CHD1: variants seen among roughly 807,000 people sequenced by gnomAD.
CHD1 encodes ATP-dependent chromatin remodeler CHD1.
Under a neutral mutation model 224.2 loss-of-function variants are expected in CHD1, and 36 were observed. The observed-to-expected ratio is 0.16, with a 90% CI of 0.12 to 0.21. CHD1 has a LOEUF of 0.21. Ranked by LOEUF, CHD1 falls within the 10% of genes least tolerant of loss-of-function variation. The probability of loss-of-function intolerance (pLI) is 1.00; values close to 1 mark genes in which losing one functional copy is unlikely to be tolerated. For missense variants in CHD1, 1,378 were observed against 1,994.8 expected (o/e 0.69, Z 5.89); for synonymous variants, 668 against 658.3 (o/e 1.01, Z -0.23).
chr5:98,897,471 C>A (rs1390643162), intron 10 of CHD1, 151 bp from the exon 11 acceptor site: 7 of 583,436 alleles, frequency 1.2e-5, no homozygotes, highest in Non-Finnish European at 2.0e-5. Flanking sequence ...CCTGAGGATT[C>A]AGTCAATACT....
chr5:98,856,841 T>C (rs692759), intron 35 of CHD1, 116 bp from the exon 36 acceptor site: 408,148 of 706,196 alleles, frequency 0.58, 124,038 homozygotes, highest in African/African-American at 0.92. Context: ...TGTATAGAAA[T>C]TCAGTGTTGC....
intron 2 of CHD1, among the ~76,000 whole-genome samples, chr5:98,912,841 A>G (rs1243812069): frequency 6.6e-6 from 1 of 152,218 alleles, no homozygotes; most frequent in Non-Finnish European, 1.5e-5. Flanking sequence ...TTTCAATTAT[A>G]TAACATATAC....
At chr5:98,926,659 C>T in intron 1 of CHD1, 125 bp from the exon 2 acceptor site, 2 of 225,974 alleles carry the variant, frequency 8.9e-6, no homozygotes, top group Admixed American at 5.7e-5. Context: ...GAAGTGGGGG[C>T]CTTTTATTAA....
intron 22 of CHD1, among the ~76,000 whole-genome samples, chr5:98,880,153 T>C (rs1472420472): frequency 6.6e-6 from 1 of 152,230 alleles, no homozygotes; most frequent in Non-Finnish European, 1.5e-5. Flanking sequence ...CATAGAGCTC[T>C]TTGAGAGCAC....
intron 2 of CHD1, among the ~76,000 whole-genome samples, chr5:98,907,316 C>T (rs898821615): frequency 4.5e-4 from 68 of 152,148 alleles, no homozygotes; most frequent in African/African-American, 1.6e-3. Flanking sequence ...GAGCTGGGAG[C>T]GGTGGCTCAT....
At position 98,896,462 on chromosome 5, in the gene CHD1, T is replaced by G; in HGVS notation, c.1494-20A>C. On this transcript the variant is annotated intron_variant, in intron 11 of 35. Transcript: ENST00000614616. ...TTTCCTCTACAAAGTTAAAAAAAAATTAGCATGCAAGGAAATATTCAAATA... is the reference window on the plus strand; with the variant it reads ...TTTCCTCTACAAAGTTAAAAAAAAAGTAGCATGCAAGGAAATATTCAAATA... 1 of 1,524,626 alleles carries G rather than the reference T, an allele frequency of 6.6e-7. No individual in the cohort carries two copies. Among genetic ancestry groups the G allele is most frequent in the Non-Finnish European group, 9.0e-7 (1 of 1,105,884 alleles). The allele number at this position is 1,524,626 out of a possible 1,614,324, so 94.4% of individuals were successfully genotyped here.
Position 98,859,963 on chromosome 5 carries a change from C to G in CHD1, c.4524+9G>C, listed in dbSNP as rs768020337. 2.7e-5 allele frequency: 37 copies of G among 1,393,924 alleles called. 1 individual carries two copies. In the Middle Eastern group the frequency reaches 1.3e-3, roughly 49 times the overall value. The allele number at this position is 1,393,924 out of a possible 1,614,324, so 86.3% of individuals were successfully genotyped here. A position where few individuals can be genotyped will look rare whatever the true frequency, so the allele number is the denominator to read the frequency against. On this transcript the variant is annotated intron_variant, in intron 33 of 35. Coordinates refer to ENST00000614616, the MANE Select transcript of CHD1 (RefSeq NM_001270.4). The stretch of plus-strand genomic sequence containing the variant: ...TAAATTCAGGGAAAAAATATGATGT[C>G]AAGTTTACCTGAGACTCCTGCCGTT...
intron 4 of CHD1, 22 bp downstream of exon 4, chr5:98,903,770 A>G (rs1159838253): frequency 6.7e-7 from 1 of 1,500,408 alleles, no homozygotes; most frequent in African/African-American, 1.4e-5. Flanking sequence ...TTTTAAAATA[A>G]TAGCTCATGA....
At chr5:98,923,217 G>T (rs1207037123) in intron 2 of CHD1, among the ~76,000 whole-genome samples, 2 of 151,468 alleles carry the variant, frequency 1.3e-5, no homozygotes, top group Non-Finnish European at 2.9e-5. Context: ...AGAAAATGAA[G>T]GCAAAAAAGA....
chr5:98,877,655 A>G lies in CHD1; in HGVS notation c.3238-1097T>C, dbSNP rs114338244. ...TAATATGCTGAAAGTTAAATGAAGTAAAAAATGGTATTTAGACCTTTTTTT... is the reference window on the plus strand; with the variant it reads ...TAATATGCTGAAAGTTAAATGAAGTGAAAAATGGTATTTAGACCTTTTTTT... On this transcript the variant is annotated intron_variant, in intron 23 of 35. Coordinates refer to ENST00000614616, the MANE Select transcript of CHD1 (RefSeq NM_001270.4). Among the ~76,000 whole-genome samples, 1,523 of 152,310 alleles carry G rather than the reference A, an allele frequency of 1.0e-2. 27 individuals are homozygous for G. The highest frequency in any genetic ancestry group is 0.035 in the African/African-American group (1,470 of 41,562).
intron 32 of CHD1, 41 bp downstream of exon 32, chr5:98,863,367 A>G: frequency 8.4e-7 from 1 of 1,186,286 alleles, no homozygotes. Flanking sequence ...AGACAGTTAT[A>G]TAATATAAAT....
chr5:98,876,635 T>C lies in CHD1; in HGVS notation c.3238-77A>G, dbSNP rs929223354. ...TAAGAGCAAAAACCATTATAAAAGA[T>C]GGTCGGAATCTTAAAAATGTTATTA... On this transcript the variant is annotated intron_variant, in intron 23 of 35. Coordinates refer to ENST00000614616, the MANE Select transcript of CHD1 (RefSeq NM_001270.4). 38 of 1,251,870 alleles carry C rather than the reference T, an allele frequency of 3.0e-5. No individual in the cohort carries two copies. In the East Asian group the frequency reaches 8.2e-4, roughly 27 times the overall value. The allele number at this position is 1,251,870 out of a possible 1,614,324, so 77.5% of individuals were successfully genotyped here.
In CHD1 at chr5:98,858,223, C is replaced by T; in HGVS notation, c.4744G>A (p.Gly1582Ser). The stretch of plus-strand genomic sequence containing the variant: ...TGATCCCAATCACGATGGTCTTTAC[C>T]ATTACTAAAAGAAGAATAGGGTCTT... ...RKRPYSSFSN[G>S]KDHRDWDHYK... Residue 1582 changes from glycine (G) to serine (S), a missense_variant, in exon 35 of 36, where the codon GGT becomes AGT. Physicochemically the swap from Gly to Ser is moderately conservative, Grantham distance 56. This residue lies in a region of CHD1 where 278 missense variants were observed against 298.5 expected (regional missense o/e 0.93). Transcript: ENST00000614616. 1 of 1,613,090 alleles carries T rather than the reference C, an allele frequency of 6.2e-7. No individual in the cohort carries two copies.
intron 2 of CHD1, among the ~76,000 whole-genome samples, chr5:98,924,974 T>C (rs1753359128): frequency 6.7e-6 from 1 of 150,064 alleles, no homozygotes; most frequent in African/African-American, 2.5e-5. Context: ...CAAGACTCTG[T>C]CTCAAAAAAA....
rs1747905783 is a variant in CHD1, at chr5:98,854,869, C to G, written c.*1511G>C. 1 of 152,032 alleles carries G rather than the reference C, an allele frequency of 6.6e-6. No homozygotes were observed. The highest frequency in any genetic ancestry group is 2.4e-5 in the African/African-American group (1 of 41,400). 9.4% of individuals were successfully genotyped at this position (152,032 alleles called of 1,614,324 possible). A position where few individuals can be genotyped will look rare whatever the true frequency, so the allele number is the denominator to read the frequency against. On this transcript the variant is annotated 3_prime_UTR_variant, in exon 36 of 36. Coordinates refer to ENST00000614616, the MANE Select transcript of CHD1 (RefSeq NM_001270.4). The stretch of plus-strand genomic sequence containing the variant: ...AATTTGTTACATCAAAGCATACATG[C>G]AAGAATGTGTGCCACATGACTTAAA...
At chr5:98,881,796 T>C (rs1344602862) in intron 20 of CHD1, among the ~76,000 whole-genome samples, 179 bp downstream of exon 20, 2 of 152,182 alleles carry the variant, frequency 1.3e-5, no homozygotes, top group Non-Finnish European at 2.9e-5. Context: ...TACAAATCTG[T>C]AGCGATGAAA....
chr5:98,877,003 T>C (rs1227792103), intron 23 of CHD1, among the ~76,000 whole-genome samples: 3 of 152,158 alleles, frequency 2.0e-5, no homozygotes, highest in Non-Finnish European at 4.4e-5. Flanking sequence ...ACCTTGTCTC[T>C]ACCAAAAATT....
Position 98,859,043 on chromosome 5 carries a change from T to A in CHD1, c.4525-28A>T, listed in dbSNP as rs1748264062. The A allele has an allele frequency of 1.9e-6, 3 of 1,542,360 alleles. No homozygotes were observed. In the East Asian group the frequency reaches 7.1e-5, roughly 37 times the overall value. ...AAAATAAATGCACACGTGTTAAGAA[T>A]CTTTAGGTGACTTCACAAACTTACA... On this transcript the variant is annotated intron_variant, in intron 33 of 35. Coordinates refer to ENST00000614616, the MANE Select transcript of CHD1 (RefSeq NM_001270.4).
Position 98,858,263 on chromosome 5 carries a change from T to G in CHD1, c.4704A>C (p.Lys1568Asn). 6.2e-7 allele frequency: 1 copy of G among 1,613,378 alleles called. No homozygotes were observed. The highest frequency in any genetic ancestry group is 8.5e-7 in the Non-Finnish European group (1 of 1,179,426). The change falls in exon 35 of 36, where the codon AAA becomes AAC. Residue 1568 changes from lysine (K) to asparagine (N), a missense_variant. This residue lies in a region of CHD1 where 278 missense variants were observed against 298.5 expected (regional missense o/e 0.93). Transcript: ENST00000614616. ...AATAGGGTCTTTTCCTGGAATCACT[T>G]TTTTTGTAAGAATCTCCCTGATGTC... ...KDRHQGDSYK[K>N]SDSRKRPYSS...
Sources: allele counts gnomAD v4.1 joint callset (sites outside exome capture counted in the v4.1 genomes callset), GRCh38; gene constraint gnomAD v4.1.1; regional missense constraint gnomAD v4.1.1; transcripts MANE v1.5; gene names NCBI Gene and HGNC (gene_info 2026-07-23, HGNC 2026-07-21).